Variants in MAPK10 observed in about 807,000 individuals in gnomAD.
MAPK10 encodes the protein mitogen-activated protein kinase 10, also known as JNK3 alpha protein kinase.
In MAPK10, 25 loss-of-function variants were observed where a neutral mutation model predicts 59.3. The ratio of observed to expected loss-of-function variants is 0.42; its 90% CI spans 0.31 to 0.59. The LOEUF (loss-of-function observed/expected upper bound fraction) is 0.59, where lower values mean the gene tolerates loss of function less well. Among genes scored for constraint, MAPK10 ranks in the 20% least tolerant of loss-of-function variants. The pLI, the probability that MAPK10 is intolerant of heterozygous loss-of-function variation, is 0.15. For synonymous variants in MAPK10, 190 were observed against 200.5 expected (o/e 0.95, Z 0.44); for missense variants, 351 against 568.9 (o/e 0.62, Z 3.90).
chr4:86,409,399 C>T (rs1744829578), intron 1 of MAPK10, among the ~76,000 whole-genome samples: 4 of 152,064 alleles, frequency 2.6e-5, no homozygotes, highest in Admixed American at 2.0e-4. Context: ...TTTTTGGTTC[C>T]ATATGAACTT....
intron 4 of MAPK10, chr4:86,124,842 T>C (rs1243962125): frequency 6.6e-6 from 1 of 152,030 alleles, no homozygotes; most frequent in African/African-American, 2.4e-5. Flanking sequence ...GATTGAAATA[T>C]GATTTTAAAG....
At chr4:86,202,670 C>A (rs2082904185) in intron 2 of MAPK10, among the ~76,000 whole-genome samples, 1 of 151,794 alleles carries the variant, frequency 6.6e-6, no homozygotes, top group African/African-American at 2.4e-5. Context: ...TGCTACCCAG[C>A]AGTGACGTTT....
intron 3 of MAPK10, among the ~76,000 whole-genome samples, chr4:86,167,589 T>C (rs946662486): frequency 3.3e-5 from 5 of 152,238 alleles, no homozygotes; most frequent in Middle Eastern, 3.4e-3. Context: ...ATGTAATCCA[T>C]CACATAAACA....
chr4:86,444,201 C>A (rs1438916451), intron 1 of MAPK10, among the ~76,000 whole-genome samples: 1 of 152,046 alleles, frequency 6.6e-6, no homozygotes, highest in East Asian at 1.9e-4. Context: ...AAATTAATGT[C>A]AGACACCAAA....
At chr4:86,287,425 A>C (rs1327899174) in intron 2 of MAPK10, among the ~76,000 whole-genome samples, 1 of 152,174 alleles carries the variant, frequency 6.6e-6, no homozygotes, top group Non-Finnish European at 1.5e-5. Context: ...ATGTGCTCTA[A>C]ATACATTCTT....
chr4:86,359,263 C>CCTCCCTCTCT (rs1736051540), intron 1 of MAPK10, among the ~76,000 whole-genome samples: 1 of 53,452 alleles, frequency 1.9e-5, no homozygotes, highest in Non-Finnish European at 3.8e-5. Context: ...TTTTTTTTTT[C>CCTCCCTCTCT]CTCTCTCTCT....
chr4:86,314,148 C>T (rs191408768), intron 2 of MAPK10, among the ~76,000 whole-genome samples: 4 of 152,224 alleles, frequency 2.6e-5, no homozygotes, highest in Admixed American at 6.5e-5. Context: ...CTTAGAATGA[C>T]AGAAGTCAGA....
intron 9 of MAPK10, among the ~76,000 whole-genome samples, chr4:86,084,464 A>C (rs1181189570): frequency 6.6e-6 from 1 of 152,248 alleles, no homozygotes; most frequent in African/African-American, 2.4e-5. Flanking sequence ...GCAGTGAACA[A>C]TCTGAAGAAG....
chr4:86,265,261 T>A (rs1020296871), intron 2 of MAPK10, among the ~76,000 whole-genome samples: 2 of 152,006 alleles, frequency 1.3e-5, no homozygotes, highest in Non-Finnish European at 2.9e-5. Context: ...ATGCTTGTAA[T>A]CCCAGCACTT....
At chr4:86,571,906 C>G (rs1043685693) in intron 1 of MAPK10, among the ~76,000 whole-genome samples, 2 of 151,538 alleles carry the variant, frequency 1.3e-5, no homozygotes, top group African/African-American at 4.8e-5. Context: ...CTTCCTTGGT[C>G]TTTTTTTCAG....
chr4:86,381,523 A>G (rs1215595484), intron 1 of MAPK10, among the ~76,000 whole-genome samples: 3 of 152,132 alleles, frequency 2.0e-5, no homozygotes, highest in Admixed American at 2.0e-4. Flanking sequence ...CTGTCTCTCA[A>G]CTGGCTTCAG....
At chr4:86,553,405 T>G (rs760415720) in intron 1 of MAPK10, among the ~76,000 whole-genome samples, 1 of 152,080 alleles carries the variant, frequency 6.6e-6, no homozygotes, top group Non-Finnish European at 1.5e-5. Flanking sequence ...TCTGAAAACT[T>G]TGAAAATTAG....
chr4:86,175,921 T>C (rs1304160026), intron 3 of MAPK10: 3 of 152,212 alleles, frequency 2.0e-5, no homozygotes, highest in African/African-American at 4.8e-5. Context: ...ATATGTACTT[T>C]TGTAGCTGAC....
At chr4:86,577,652 C>A (rs1284215356) in intron 1 of MAPK10, among the ~76,000 whole-genome samples, 4 of 152,106 alleles carry the variant, frequency 2.6e-5, no homozygotes, top group Non-Finnish European at 4.4e-5. Context: ...CAAAAAAGGA[C>A]AATTATTTAC....
At chr4:86,110,583 A>C (rs1384068681) in intron 4 of MAPK10, among the ~76,000 whole-genome samples, 1 of 152,036 alleles carries the variant, frequency 6.6e-6, no homozygotes, top group African/African-American at 2.4e-5. Flanking sequence ...CCATTGGTCT[A>C]TGTATCTTTT....
chr4:86,288,500 G>A (rs2095106856), intron 2 of MAPK10, among the ~76,000 whole-genome samples: 1 of 152,062 alleles, frequency 6.6e-6, no homozygotes. Context: ...GAGATGGGCT[G>A]TATTGTATCC....
chr4:86,329,667 A>G (rs1219881896), intron 2 of MAPK10, among the ~76,000 whole-genome samples: 2 of 152,194 alleles, frequency 1.3e-5, no homozygotes, highest in Non-Finnish European at 2.9e-5. Flanking sequence ...GCCATCTGCC[A>G]TATGCTTATG....
chr4:86,206,568 G>A (rs1346007183), intron 2 of MAPK10, among the ~76,000 whole-genome samples: 2 of 152,116 alleles, frequency 1.3e-5, no homozygotes, highest in East Asian at 1.9e-4. Context: ...CCCAGTAATG[G>A]GATGGCTGGG....
At chr4:86,173,778 T>G (rs1046466293) in intron 3 of MAPK10, among the ~76,000 whole-genome samples, 1 of 151,900 alleles carries the variant, frequency 6.6e-6, no homozygotes, top group Non-Finnish European at 1.5e-5. Flanking sequence ...TTAAACAAAT[T>G]TACAAGGAAA....
Sources: gnomAD v4.1 joint callset for allele counts (sites outside exome capture counted in the v4.1 genomes callset) on GRCh38, gnomAD v4.1.1 for gene constraint, MANE v1.5 for transcripts, NCBI Gene and HGNC (gene_info 2026-07-23, HGNC 2026-07-21) for gene names.